IGFBP7: variants seen among roughly 807,000 people sequenced by gnomAD.
IGFBP7 encodes the protein insulin-like growth factor-binding protein 7.
A neutral mutation model predicts 29.4 loss-of-function variants in IGFBP7; 31 were observed. That is an observed-to-expected ratio of 1.05 (90% CI 0.79 to 1.42). The LOEUF is 1.42. IGFBP7 is among the 40% of genes most tolerant of loss of function. The probability of loss-of-function intolerance (pLI) is 0.00; values close to 1 mark genes in which losing one functional copy is unlikely to be tolerated. For missense variants in IGFBP7, 393 were observed against 395.5 expected, an observed-to-expected ratio of 0.99 and a Z score of 0.05; for synonymous variants, 172 against 174.9, an observed-to-expected ratio of 0.98 and a Z score of 0.13.
intron 1 of IGFBP7, among the ~76,000 whole-genome samples, chr4:57,099,014 A>T (rs1208912392): frequency 2.6e-5 from 4 of 152,048 alleles, no homozygotes; most frequent in African/African-American, 7.2e-5. Context: ...TTCTTGATAA[A>T]TTTTTCTTTC....
In IGFBP7 at chr4:57,032,467, A is replaced by G; in HGVS notation, c.788T>C (p.Ile263Thr). 6.2e-7 allele frequency: 1 copy of G among 1,613,912 alleles called. No homozygotes were observed. The highest frequency in any genetic ancestry group is 1.1e-5 in the South Asian group (1 of 91,076). The stretch of plus-strand genomic sequence containing the variant: ...TTCATGTAAGGCATCAACCACTGTA[A>G]TTTTTGCTGATGCTGAAGCCTGTCC... ...SQGQASASAK[I>T]TVVDALHEIP... Residue 263 changes from isoleucine to threonine, a missense_variant, in exon 4 of 5, where the codon ATT (isoleucine) becomes ACT (threonine). Physicochemically the swap from Ile to Thr is moderately conservative, Grantham distance 89. Coordinates refer to ENST00000295666, the MANE Select transcript of IGFBP7 (RefSeq NM_001553.3).
chr4:57,059,531 C>T (rs1718884), intron 1 of IGFBP7, among the ~76,000 whole-genome samples: 149,060 of 152,218 alleles, frequency 0.98, 73,056 homozygotes, highest in East Asian at 1. Flanking sequence ...CACTTACAAG[C>T]GGGAACTAAA....
chr4:57,099,148 C>A (rs762732274), intron 1 of IGFBP7, among the ~76,000 whole-genome samples: 8 of 152,170 alleles, frequency 5.3e-5, no homozygotes, highest in Non-Finnish European at 8.8e-5. Context: ...TTGAGCATTT[C>A]TCACTCAGAG....
chr4:57,034,059 A>AAC (rs1553913034), intron 2 of IGFBP7, among the ~76,000 whole-genome samples: 1 of 151,332 alleles, frequency 6.6e-6, no homozygotes. Context: ...CAAAAAAAAA[A>AAC]AAAAAAAAAC....
chr4:57,092,214 T>G (rs1458628562), intron 1 of IGFBP7, among the ~76,000 whole-genome samples: 1 of 152,230 alleles, frequency 6.6e-6, no homozygotes, highest in Non-Finnish European at 1.5e-5. Flanking sequence ...ATGCTTTTTA[T>G]GAACCTCAAT....
At chr4:57,109,082 CTAGT>C (rs1179548997) in intron 1 of IGFBP7, among the ~76,000 whole-genome samples, 1 of 152,130 alleles carries the variant, frequency 6.6e-6, no homozygotes, top group African/African-American at 2.4e-5. Flanking sequence ...AAATAATTAG[CTAGT>C]TAGATTACTG....
chr4:57,054,980 T>G (rs893608481), intron 1 of IGFBP7, among the ~76,000 whole-genome samples: 4 of 152,118 alleles, frequency 2.6e-5, no homozygotes, highest in Non-Finnish European at 5.9e-5. Flanking sequence ...ACTTTAGAAA[T>G]CCCAGCAAAT....
chr4:57,059,560 G>T (rs145374177), intron 1 of IGFBP7, among the ~76,000 whole-genome samples: 1 of 152,016 alleles, frequency 6.6e-6, no homozygotes, highest in Non-Finnish European at 1.5e-5. Flanking sequence ...ACTCATGAAC[G>T]CAAAGAGGGG....
chr4:57,060,783 G>C (rs1228899104), intron 1 of IGFBP7, among the ~76,000 whole-genome samples: 1 of 152,134 alleles, frequency 6.6e-6, no homozygotes, highest in Non-Finnish European at 1.5e-5. Flanking sequence ...GCCAGGCGTG[G>C]TGGTGTGCAC....
intron 1 of IGFBP7, chr4:57,072,738 G>T: frequency 2.1e-6 from 1 of 484,326 alleles, no homozygotes; most frequent in South Asian, 1.6e-5. Context: ...AGTGACACAG[G>T]GATTTCTGCC....
chr4:57,067,423 T>C (rs1724945328), intron 1 of IGFBP7, among the ~76,000 whole-genome samples: 1 of 152,184 alleles, frequency 6.6e-6, no homozygotes, highest in Non-Finnish European at 1.5e-5. Context: ...TAGGACATTA[T>C]GCTAAAAGAA....
Position 57,110,228 on chromosome 4 carries a change from G to A in IGFBP7, c.124C>T (p.Pro42Ser), listed in dbSNP as rs1192312044. The change falls in exon 1 of 5, where the codon CCC becomes TCC. Residue 42 changes from proline to serine, a missense_variant. Physicochemically the swap from Pro to Ser is moderately conservative, Grantham distance 74. Transcript: ENST00000295666. ...AGCAGGCAGCCCAGCGGGGGCAGGGGCGGGCAGGAGGCCGGCTCGCAGGGG... is the reference window on the plus strand; with the variant it reads ...AGCAGGCAGCCCAGCGGGGGCAGGGACGGGCAGGAGGCCGGCTCGCAGGGG... ...CGPCEPASCP[P>S]LPPLGCLLGE... 2 of 1,380,932 alleles carry A rather than the reference G, an allele frequency of 1.4e-6. No homozygotes were observed. The highest frequency in any genetic ancestry group is 3.1e-5 in the Admixed American group (1 of 32,486). 85.5% of individuals were successfully genotyped at this position (1,380,932 alleles called of 1,614,324 possible). A position where few individuals can be genotyped will look rare whatever the true frequency, so the allele number is the denominator to read the frequency against.
chr4:57,110,003 A>T lies in IGFBP7; in HGVS notation c.349T>A (p.Tyr117Asn). 6.5e-7 allele frequency: 1 copy of T among 1,546,996 alleles called. No homozygotes were observed. Among genetic ancestry groups the T allele is most frequent in the Non-Finnish European group, 8.7e-7 (1 of 1,152,136 alleles). Residue 117 changes from tyrosine to asparagine, a missense_variant, in exon 1 of 5, where the codon TAC (tyrosine) becomes AAC (asparagine). Transcript: ENST00000295666. ...VSGVCVCKSR[Y>N]PVCGSDGTTY... ...GTGCCGTCGCTGCCGCACACCGGGT[A>T]GCGGCTCTTGCACACGCACACGCCG...
intron 1 of IGFBP7, among the ~76,000 whole-genome samples, chr4:57,106,128 G>A (rs1050627419): frequency 6.6e-6 from 1 of 151,998 alleles, no homozygotes; most frequent in Admixed American, 6.6e-5. Context: ...GGATGGTCTC[G>A]ATCTCCTGAT....
intron 1 of IGFBP7, among the ~76,000 whole-genome samples, chr4:57,105,422 C>G (rs929474202): frequency 2.0e-5 from 3 of 152,194 alleles, no homozygotes; most frequent in Admixed American, 1.3e-4. Context: ...ATACCATGCA[C>G]TTATCTAGGT....
chr4:57,108,173 T>G (rs11573028), intron 1 of IGFBP7, among the ~76,000 whole-genome samples: 325 of 152,366 alleles, frequency 2.1e-3, no homozygotes, highest in African/African-American at 7.4e-3. Context: ...TGCAATTTTC[T>G]AAGTTTAAGG....
At chr4:57,063,527 T>A (rs1458469218) in intron 1 of IGFBP7, among the ~76,000 whole-genome samples, 1 of 152,238 alleles carries the variant, frequency 6.6e-6, no homozygotes, top group Non-Finnish European at 1.5e-5. Context: ...AACAAGAGTT[T>A]AGGAACCATT....
chr4:57,066,549 A>T (rs940427547), intron 1 of IGFBP7, among the ~76,000 whole-genome samples: 10 of 152,082 alleles, frequency 6.6e-5, no homozygotes, highest in African/African-American at 2.2e-4. Context: ...CAAACAAATA[A>T]TATTTTCCTT....
chr4:57,091,716 G>A (rs73242644), intron 1 of IGFBP7, among the ~76,000 whole-genome samples: 12,322 of 152,212 alleles, frequency 0.081, 636 homozygotes, highest in South Asian at 0.13. Context: ...ACTGTTTACT[G>A]TATTAACAGG....
Sources: allele counts gnomAD v4.1 joint callset (sites outside exome capture counted in the v4.1 genomes callset), GRCh38; gene constraint gnomAD v4.1.1; transcripts MANE v1.5; gene names NCBI Gene and HGNC (gene_info 2026-07-23, HGNC 2026-07-21).